SYT10: variants seen among roughly 807,000 people sequenced by gnomAD.
SYT10 encodes the protein synaptotagmin 10.
SYT10 carries 31 observed loss-of-function variants against 51.1 expected under a neutral mutation model. That is an observed-to-expected ratio of 0.61 (90% CI 0.46 to 0.82). SYT10 has a LOEUF of 0.82. Among genes scored for constraint, SYT10 ranks in the 40% least tolerant of loss-of-function variants. The probability of loss-of-function intolerance (pLI) is 0.00; values close to 1 mark genes in which losing one functional copy is unlikely to be tolerated. For synonymous variants in SYT10, 233 were observed against 225.9 expected (o/e 1.03, Z -0.28); for missense variants, 603 against 634.0 (o/e 0.95, Z 0.53).
rs899943909 is a variant in SYT10, at chr12:33,375,424, T to TA, written c.*1405dup. ...GTTTTTATTTTCTTGCCTCTTTTTT[T>TA]AAAAAAACCACCAATTTTGAAATAA... On this transcript the variant is annotated 3_prime_UTR_variant, in exon 7 of 7. Coordinates refer to ENST00000228567, the MANE Select transcript of SYT10 (RefSeq NM_198992.4). 1.1e-4 allele frequency: 17 copies of TA among 152,122 alleles called. No individual in the cohort carries two copies. The highest frequency in any genetic ancestry group is 3.9e-4 in the East Asian group (2 of 5,186). The allele number at this position is 152,122 out of a possible 1,614,324, so 9.4% of individuals were successfully genotyped here.
chr12:33,429,258 G>A (rs888334058), intron 1 of SYT10, among the ~76,000 whole-genome samples: 5 of 152,202 alleles, frequency 3.3e-5, no homozygotes, highest in Admixed American at 6.5e-5. Context: ...TATAGGTCTC[G>A]AGGCAGGAAG....
chr12:33,426,210 G>A lies in SYT10; in HGVS notation c.437C>T (p.Thr146Ile). The change falls in exon 2 of 7, where the codon ACT becomes ATT. Residue 146 changes from threonine to isoleucine, a missense_variant. Transcript: ENST00000228567. ...TSPDIPAEVQTALKEHLIKHA... is the reference protein window; with the variant it reads ...TSPDIPAEVQIALKEHLIKHA... ...TTTAATTAAATGTTCTTTTAAAGCAGTTTGGACTTCTGCTGGGATGTCAGG... is the reference window on the plus strand; with the variant it reads ...TTTAATTAAATGTTCTTTTAAAGCAATTTGGACTTCTGCTGGGATGTCAGG... 1.2e-6 allele frequency: 2 copies of A among 1,614,044 alleles called. No individual in the cohort carries two copies. The highest frequency in any genetic ancestry group is 1.7e-6 in the Non-Finnish European group (2 of 1,180,014).
At position 33,376,777 on chromosome 12, in the gene SYT10, T is replaced by A. The variant is rs1306952069; in HGVS notation, c.*53A>T. ...CCAAACCTTCCACTTTTTTTCTGAT[T>A]CAATGAGCACGTGATCCTAGATGCT... On this transcript the variant is annotated 3_prime_UTR_variant, in exon 7 of 7. Coordinates refer to ENST00000228567, the MANE Select transcript of SYT10 (RefSeq NM_198992.4). The A allele has an allele frequency of 4.4e-6, 7 of 1,601,916 alleles. No homozygotes were observed. In the East Asian group the frequency reaches 1.6e-4, roughly 36 times the overall value.
intron 3 of SYT10, among the ~76,000 whole-genome samples, chr12:33,393,885 T>C (rs1440403907): frequency 2.0e-5 from 3 of 152,230 alleles, no homozygotes; most frequent in Non-Finnish European, 4.4e-5. Flanking sequence ...GCATATTGTA[T>C]ATTTCCTTCA....
At chr12:33,396,861 A>G (rs1170121169) in intron 3 of SYT10, among the ~76,000 whole-genome samples, 1 of 151,998 alleles carries the variant, frequency 6.6e-6, no homozygotes, top group African/African-American at 2.4e-5. Context: ...GATGGTCTCA[A>G]TCTCTTGACC....
chr12:33,390,814 A>G (rs1866198473), intron 3 of SYT10, among the ~76,000 whole-genome samples: 2 of 152,304 alleles, frequency 1.3e-5, no homozygotes, highest in South Asian at 4.1e-4. Context: ...TTCTCCTCCT[A>G]GGGCTTATAT....
At chr12:33,417,795 A>G (rs1205850435) in intron 2 of SYT10, among the ~76,000 whole-genome samples, 1 of 152,208 alleles carries the variant, frequency 6.6e-6, no homozygotes, top group Non-Finnish European at 1.5e-5. Context: ...CAACAAGAGA[A>G]TTGAGGGTGT....
At chr12:33,430,382 T>C (rs1866586925) in intron 1 of SYT10, among the ~76,000 whole-genome samples, 1 of 152,236 alleles carries the variant, frequency 6.6e-6, no homozygotes, top group Admixed American at 6.5e-5. Context: ...AGCAGAACTT[T>C]GCTAAAGTCT....
intron 3 of SYT10, among the ~76,000 whole-genome samples, chr12:33,395,643 A>G (rs953714616): frequency 6.6e-6 from 1 of 152,338 alleles, no homozygotes; most frequent in South Asian, 2.1e-4. Context: ...ATTGACTCCA[A>G]TTGATTTTTA....
At chr12:33,379,721 T>G (rs1866097296) in intron 6 of SYT10, 111 bp downstream of exon 6, 9 of 1,390,336 alleles carry the variant, frequency 6.5e-6, no homozygotes, top group African/African-American at 5.9e-5. Flanking sequence ...TCTTTTCTAT[T>G]TTTTTTAACA....
At chr12:33,419,409 T>C (rs886093128) in intron 2 of SYT10, among the ~76,000 whole-genome samples, 1 of 152,156 alleles carries the variant, frequency 6.6e-6, no homozygotes, top group African/African-American at 2.4e-5. Flanking sequence ...TGTGACTAAA[T>C]AGCAATTGAA....
rs1257785967 is a variant in SYT10, at chr12:33,375,979, G to A, written c.*851C>T. 6.6e-6 allele frequency: 1 copy of A among 152,530 alleles called. No homozygotes were observed. Among genetic ancestry groups the A allele is most frequent in the Non-Finnish European group, 1.5e-5 (1 of 67,986 alleles). The allele number at this position is 152,530 out of a possible 1,614,324, so 9.4% of individuals were successfully genotyped here. On this transcript the variant is annotated 3_prime_UTR_variant, in exon 7 of 7. Transcript: ENST00000228567. Reference sequence around the variant, plus strand: ...CAAAAAAATACATGTCACAGTACTTGAGAACCTTACAAACACTTAAAAATT... The same window carrying A: ...CAAAAAAATACATGTCACAGTACTTAAGAACCTTACAAACACTTAAAAATT...
chr12:33,432,623 T>C (rs1187052913), intron 1 of SYT10: 2 of 152,072 alleles, frequency 1.3e-5, no homozygotes, highest in South Asian at 2.1e-4. Context: ...ATTAGTCCTA[T>C]AAATCCATGA....
chr12:33,385,818 T>C (rs188636608), intron 3 of SYT10, among the ~76,000 whole-genome samples: 2 of 152,334 alleles, frequency 1.3e-5, no homozygotes, highest in Admixed American at 1.3e-4. Context: ...AAAATTCTCA[T>C]TCCAGAAGTT....
chr12:33,403,483 C>T (rs546106807), intron 3 of SYT10, among the ~76,000 whole-genome samples: 1 of 152,158 alleles, frequency 6.6e-6, no homozygotes. Flanking sequence ...GATCCACCCC[C>T]CTCAGCCTCC....
chr12:33,404,906 T>C (rs892268048), intron 3 of SYT10: 2 of 151,456 alleles, frequency 1.3e-5, no homozygotes, highest in African/African-American at 4.9e-5. Flanking sequence ...AAGTAATTTA[T>C]TAATATTTAC....
chr12:33,400,515 G>A (rs1437300854), intron 3 of SYT10, among the ~76,000 whole-genome samples: 1 of 151,876 alleles, frequency 6.6e-6, no homozygotes, highest in African/African-American at 2.4e-5. Context: ...CCAGGTCAAT[G>A]TGATATACAC....
In SYT10 at chr12:33,375,309, A is replaced by C. The variant is rs1314148407; in HGVS notation, c.*1521T>G. ...TGTCAACAAAATTTCAAGGCTTTTA[A>C]AACTTTTTTTTAATATTTAGAAATA... On this transcript the variant is annotated 3_prime_UTR_variant, in exon 7 of 7. Coordinates refer to ENST00000228567, the MANE Select transcript of SYT10 (RefSeq NM_198992.4). The C allele has an allele frequency of 6.6e-6, 1 of 152,088 alleles. No individual in the cohort carries two copies. The highest frequency in any genetic ancestry group is 2.4e-5 in the African/African-American group (1 of 41,454). The allele number at this position is 152,088 out of a possible 1,614,324, so 9.4% of individuals were successfully genotyped here.
chr12:33,432,718 T>A (rs1397979873), intron 1 of SYT10: 2 of 152,124 alleles, frequency 1.3e-5, no homozygotes, highest in East Asian at 3.8e-4. Context: ...AATATTGTGG[T>A]ATGGACAAAT....
Sources: allele counts gnomAD v4.1 joint callset (sites outside exome capture counted in the v4.1 genomes callset), GRCh38; gene constraint gnomAD v4.1.1; transcripts MANE v1.5; gene names NCBI Gene and HGNC (gene_info 2026-07-23, HGNC 2026-07-21).